The following MICA variants were observed in gnomAD, a reference collection of about 807,000 sequenced individuals.
MICA encodes HLA class I antigen.
A neutral mutation model predicts 34.3 loss-of-function variants in MICA; 18 were observed. That is an observed-to-expected ratio of 0.52 (90% CI 0.36 to 0.78). MICA has a LOEUF of 0.78. MICA is among the 30% of genes least tolerant of loss of function. The pLI, the probability that MICA is intolerant of heterozygous loss-of-function variation, is 0.00. For missense variants in MICA, 333 were observed against 409.4 expected (o/e 0.81, Z 1.61); for synonymous variants, 135 against 156.9 (o/e 0.86, Z 1.04).
At chr6:31,407,428 G>A (rs1197829952) in intron 1 of MICA, among the ~76,000 whole-genome samples, 1 of 151,842 alleles carries the variant, frequency 6.6e-6, no homozygotes, top group Non-Finnish European at 1.5e-5. Flanking sequence ...TAGAGATGGG[G>A]TTTCTCTATG....
At chr6:31,408,581 C>A (rs56370321) in intron 1 of MICA, among the ~76,000 whole-genome samples, 2,968 of 151,956 alleles carry the variant, frequency 0.02, 65 homozygotes, top group East Asian at 0.08. Flanking sequence ...CCCCATTCCT[C>A]CCTACCTCTG....
upstream of MICA, among the ~76,000 whole-genome samples, chr6:31,401,999 T>C (rs143674242): frequency 3.7e-4 from 56 of 152,010 alleles, no homozygotes; most frequent in Middle Eastern, 3.4e-3. Context: ...ATTCTTATTA[T>C]TGAGAATTGA....
At chr6:31,405,538 C>A (rs1770703204) in intron 1 of MICA, among the ~76,000 whole-genome samples, 1 of 151,810 alleles carries the variant, frequency 6.6e-6, no homozygotes, top group African/African-American at 2.4e-5. Flanking sequence ...TATATCACAA[C>A]AAGCATTTAT....
intron 1 of MICA, 92 bp from the exon 2 acceptor site, chr6:31,410,451 C>CCT (rs56728307): frequency 0.29 from 430,564 of 1,494,480 alleles, 66,324 homozygotes; most frequent in African/African-American, 0.45. Flanking sequence ...ATTTCCTGCC[C>CCT]CAGGAAGGTT....
Position 31,408,965 on chromosome 6 carries a change from A to G in MICA, c.71-1578A>G, listed in dbSNP as rs147420529. On this transcript the variant is annotated intron_variant, in intron 1 of 5. Transcript: ENST00000449934. Reference sequence around the variant, plus strand: ...GGTTGCAGTGAGCTGAGATCAGGCCACTGCACTCCAGCCTGGGCAACAAGA... The same window carrying G: ...GGTTGCAGTGAGCTGAGATCAGGCCGCTGCACTCCAGCCTGGGCAACAAGA... Among the ~76,000 whole-genome samples the G allele has an allele frequency of 4.2e-3, 636 of 151,488 alleles. 16 individuals are homozygous for G. The East Asian group carries it at 0.052, about 12-fold the overall frequency.
chr6:31,406,498 C>T (rs1404076806), intron 1 of MICA, among the ~76,000 whole-genome samples: 1 of 151,700 alleles, frequency 6.6e-6, no homozygotes, highest in East Asian at 1.9e-4. Context: ...TTCTCCCATT[C>T]TTGGATGGTC....
chr6:31,414,346 C>T (rs1366233937), intron 5 of MICA, among the ~76,000 whole-genome samples: 1 of 152,040 alleles, frequency 6.6e-6, no homozygotes, highest in Admixed American at 6.6e-5. Context: ...TTAAGCGGAC[C>T]AGGCAGGAGT....
intron 5 of MICA, among the ~76,000 whole-genome samples, chr6:31,414,329 T>TAAGTGGA: frequency 6.6e-6 from 1 of 152,040 alleles, no homozygotes; most frequent in Non-Finnish European, 1.5e-5. Flanking sequence ...GAGCTGCGTT[T>TAAGTGGA]CCAGGGTTAA....
upstream of MICA, among the ~76,000 whole-genome samples, chr6:31,403,170 G>T (rs1274923955): frequency 6.6e-6 from 1 of 151,814 alleles, no homozygotes; most frequent in Non-Finnish European, 1.5e-5. This position sits in a 1 kb window ranked among gnomAD's most constrained non-coding sequence, Gnocchi z 4.7. Flanking sequence ...TGTGTTGGGA[G>T]AATAGCCACG....
intron 5 of MICA, 135 bp downstream of exon 5, chr6:31,412,595 A>G: frequency 3.3e-6 from 2 of 610,296 alleles, no homozygotes; most frequent in Non-Finnish European, 5.6e-6. Flanking sequence ...GGAATTTGGG[A>G]AGGGAATGGG....
chr6:31,413,030 T>A (rs2857282), intron 5 of MICA, among the ~76,000 whole-genome samples: 28,011 of 151,062 alleles, frequency 0.19, 3,129 homozygotes, highest in Middle Eastern at 0.28. Context: ...GGAGACCCCT[T>A]GTAACAGGGA....
chr6:31,405,703 C>G (rs991619768), intron 1 of MICA, among the ~76,000 whole-genome samples: 6 of 151,766 alleles, frequency 4.0e-5, no homozygotes, highest in African/African-American at 1.5e-4. Context: ...CATCCCTGCT[C>G]CCCCACTCCC....
At chr6:31,402,690 G>A (rs1770500697), upstream of MICA, among the ~76,000 whole-genome samples, 1 of 151,836 alleles carries the variant, frequency 6.6e-6, no homozygotes. Flanking sequence ...GAAATCAGAA[G>A]GGACCAAGGA....
chr6:31,406,999 T>C (rs1770782681), intron 1 of MICA, among the ~76,000 whole-genome samples: 1 of 151,920 alleles, frequency 6.6e-6, no homozygotes, highest in Non-Finnish European at 1.5e-5. Context: ...TCCTCTAGTT[T>C]TGTTCATTTT....
chr6:31,414,993 A>T lies in MICA; in HGVS notation c.*30-19A>T. On this transcript the variant is annotated intron_variant, in intron 5 of 5. Transcript: ENST00000449934. Reference sequence around the variant, plus strand: ...ACTGCACCCAGTGGAGCATTTACCCATTTCCCTCTTTTCTCCAGAGCTCGT... The same window carrying T: ...ACTGCACCCAGTGGAGCATTTACCCTTTTCCCTCTTTTCTCCAGAGCTCGT... 6.8e-7 allele frequency: 1 copy of T among 1,472,004 alleles called. No homozygotes were observed. The highest frequency in any genetic ancestry group is 2.4e-5 in the East Asian group (1 of 40,970). The allele number at this position is 1,472,004 out of a possible 1,614,324, so 91.2% of individuals were successfully genotyped here.
chr6:31,401,643 C>G (rs1770434807), upstream of MICA, among the ~76,000 whole-genome samples: 1 of 136,624 alleles, frequency 7.3e-6, no homozygotes, highest in Non-Finnish European at 1.5e-5. Context: ...CTGAGTGACA[C>G]AGCAAGACTC....
At chr6:31,409,794 T>A (rs1179669126) in intron 1 of MICA, among the ~76,000 whole-genome samples, 1 of 151,876 alleles carries the variant, frequency 6.6e-6, no homozygotes, top group Non-Finnish European at 1.5e-5. Context: ...AATTTTTGTA[T>A]ATAGTGCAAA....
Position 31,411,863 on chromosome 6 carries a change from A to C in MICA, c.614-84A>C. Reference sequence around the variant, plus strand: ...GTCCCGGAGGGCTTCAGCCAGAGTGAGAACAGTGAAGAGAAACAGCCCTGT... The same window carrying C: ...GTCCCGGAGGGCTTCAGCCAGAGTGCGAACAGTGAAGAGAAACAGCCCTGT... On this transcript the variant is annotated intron_variant, in intron 3 of 5. Coordinates refer to ENST00000449934, the MANE Select transcript of MICA (RefSeq NM_001177519.3). This position sits in a 1 kb window ranked among gnomAD's most constrained non-coding sequence, Gnocchi z 4.3. 1 of 1,523,770 alleles carries C rather than the reference A, an allele frequency of 6.6e-7. No homozygotes were observed. The highest frequency in any genetic ancestry group is 8.8e-7 in the Non-Finnish European group (1 of 1,136,764). 94.4% of individuals were successfully genotyped at this position (1,523,770 alleles called of 1,614,324 possible).
rs768162600 is a variant in MICA, at chr6:31,412,116, T to C, written c.783T>C (p.Asn261=). Residue 261 remains asparagine (N), a synonymous_variant, in exon 4 of 6, where the codon AAT becomes AAC. Transcript: ENST00000449934. The part of the protein sequence containing the change: ...QQWGDVLPDG[N]GTYQTWVATR... ...GGGGGGATGTCCTGCCTGATGGGAA[T>C]GGAACCTACCAGACCTGGGTGGCCA... 1.9e-6 allele frequency: 3 copies of C among 1,612,966 alleles called. No individual in the cohort carries two copies. The highest frequency in any genetic ancestry group is 1.3e-5 in the African/African-American group (1 of 74,652).
Sources: gnomAD v4.1 joint callset for allele counts (sites outside exome capture counted in the v4.1 genomes callset) on GRCh38, gnomAD v4.1.1 for gene constraint, Gnocchi (gnomAD v3.1) non-coding constraint, MANE v1.5 for transcripts, NCBI Gene and HGNC (gene_info 2026-07-23, HGNC 2026-07-21) for gene names.